The following HMGN5 variants were observed in gnomAD, a reference collection of about 807,000 sequenced individuals.
HMGN5 encodes high mobility group nucleosome-binding domain-containing protein 5.
A neutral mutation model predicts 9.5 loss-of-function variants in HMGN5; 4 were observed. That is an observed-to-expected ratio of 0.42 (90% CI 0.21 to 0.96). The LOEUF is 0.96. Ranked by LOEUF, HMGN5 falls within the 40% of genes least tolerant of loss-of-function variation. HMGN5 has a pLI of 0.30. For synonymous variants in HMGN5, 55 were observed against 57.1 expected, an observed-to-expected ratio of 0.96 and a Z score of 0.16; for missense variants, 192 against 187.5, an observed-to-expected ratio of 1.02 and a Z score of -0.14.
intron 1 of HMGN5, among the ~76,000 whole-genome samples, chrX:81,177,771 GCAC>G (rs2075447689): frequency 9.0e-6 from 1 of 111,446 alleles, no homozygotes; most frequent in Non-Finnish European, 1.9e-5. Flanking sequence ...ATTTTTCTCA[GCAC>G]CACATCACAC....
chrX:81,186,714 G>T (rs1400252190), intron 1 of HMGN5, among the ~76,000 whole-genome samples: 1 of 110,836 alleles, frequency 9.0e-6, no homozygotes, highest in Non-Finnish European at 1.9e-5. Flanking sequence ...GTACATAGTA[G>T]GTGTATATAT....
intron 1 of HMGN5, among the ~76,000 whole-genome samples, chrX:81,199,092 A>T (rs1183902399): frequency 8.9e-6 from 1 of 111,735 alleles, no homozygotes; most frequent in African/African-American, 3.3e-5. Context: ...TAACAGACAA[A>T]CAGAGAGCCA....
At chrX:81,140,721 A>C (rs1295304852) in intron 1 of HMGN5, among the ~76,000 whole-genome samples, 2 of 111,302 alleles carry the variant, frequency 1.8e-5, no homozygotes, top group Non-Finnish European at 3.8e-5. Flanking sequence ...GGTGAGATTC[A>C]GCATATGACC....
intron 1 of HMGN5, chrX:81,195,025 TAGAG>T (rs1187928589): frequency 2.7e-5 from 3 of 111,172 alleles, no homozygotes; most frequent in Admixed American, 1.9e-4. Context: ...GGGGGGAAGA[TAGAG>T]AGCGTATTAG....
chrX:81,150,041 A>G (rs1482092130), intron 1 of HMGN5, among the ~76,000 whole-genome samples: 2 of 112,112 alleles, frequency 1.8e-5, no homozygotes, highest in Non-Finnish European at 3.8e-5. Flanking sequence ...CTTAATCTGC[A>G]CTATATAGAC....
Position 81,114,605 on chromosome X carries a change from A to G in HMGN5, c.*44T>C. The stretch of plus-strand genomic sequence containing the variant: ...TATTTATCTCTATTAACTTTACAAC[A>G]TGAAGGTACATGTTACCAAATTATG... On this transcript the variant is annotated 3_prime_UTR_variant, in exon 7 of 7. Coordinates refer to ENST00000358130, the MANE Select transcript of HMGN5 (RefSeq NM_030763.3). The G allele has an allele frequency of 9.7e-7, 1 of 1,033,445 alleles. No homozygotes were observed. Among genetic ancestry groups the G allele is most frequent in the African/African-American group, 1.9e-5 (1 of 52,123 alleles). The allele number at this position is 1,033,445 out of a possible 1,213,427, so 85.2% of individuals were successfully genotyped here. A position where few individuals can be genotyped will look rare whatever the true frequency, so the allele number is the denominator to read the frequency against.
chrX:81,128,412 C>T (rs1388188397), intron 1 of HMGN5, among the ~76,000 whole-genome samples: 1 of 110,921 alleles, frequency 9.0e-6, no homozygotes, highest in Non-Finnish European at 1.9e-5. Flanking sequence ...GGTTAAATTG[C>T]CTAAGTGGAA....
intron 1 of HMGN5, among the ~76,000 whole-genome samples, chrX:81,152,347 C>A (rs1211259341): frequency 9.8e-5 from 11 of 111,887 alleles, no homozygotes; most frequent in Non-Finnish European, 2.1e-4. Flanking sequence ...TATGAACAGA[C>A]ACTTCTCAAA....
intron 4 of HMGN5, 43 bp downstream of exon 4, chrX:81,118,687 A>G: frequency 1.8e-6 from 2 of 1,103,897 alleles, no homozygotes; most frequent in Non-Finnish European, 2.5e-6. Context: ...TTTTAAAATG[A>G]CGTTTCACAA....
At chrX:81,116,468 T>C in intron 5 of HMGN5, 127 bp from the exon 6 acceptor site, 1 of 426,623 alleles carries the variant, frequency 2.3e-6, no homozygotes, top group South Asian at 5.1e-5. Context: ...CACATATAAA[T>C]CTGGTATCAA....
chrX:81,163,744 T>C (rs1003450503), intron 1 of HMGN5, among the ~76,000 whole-genome samples: 1 of 111,768 alleles, frequency 8.9e-6, no homozygotes, highest in Non-Finnish European at 1.9e-5. Context: ...TGTGTAAGGA[T>C]AAGAGGTATA....
At chrX:81,175,225 G>A (rs1000215737) in intron 1 of HMGN5, among the ~76,000 whole-genome samples, 2 of 111,826 alleles carry the variant, frequency 1.8e-5, no homozygotes, top group African/African-American at 6.5e-5. Flanking sequence ...TCAAACTGGT[G>A]TCCCTCAGAA....
chrX:81,195,448 C>A (rs749090642), intron 1 of HMGN5, among the ~76,000 whole-genome samples: 1 of 111,256 alleles, frequency 9.0e-6, no homozygotes, highest in Admixed American at 9.5e-5. Flanking sequence ...TCCACTGACT[C>A]ATATGTTAAT....
chrX:81,175,956 G>A (rs979206774), intron 1 of HMGN5, among the ~76,000 whole-genome samples: 16 of 112,019 alleles, frequency 1.4e-4, no homozygotes, highest in African/African-American at 5.2e-4. Context: ...CTCTGAGAAT[G>A]GACAGACTGC....
chrX:81,151,212 C>T (rs2147562020), intron 1 of HMGN5, among the ~76,000 whole-genome samples: 1 of 111,836 alleles, frequency 8.9e-6, no homozygotes, highest in South Asian at 3.7e-4. Context: ...GGAATCCTTT[C>T]CCCATTGCTT....
intron 1 of HMGN5, among the ~76,000 whole-genome samples, chrX:81,165,725 G>C (rs1251866996): frequency 9.0e-6 from 1 of 111,566 alleles, no homozygotes; most frequent in African/African-American, 3.3e-5. Context: ...AAAAGGAATA[G>C]CCCACTATGT....
Position 81,116,352 on chromosome X carries a change from A to T in HMGN5, c.130-11T>A, listed in dbSNP as rs771425543. ...TTTTGTCTTCATTTTCTGCCAAGCA[A>T]TATAAAACAATGAAAGTAAATATAC... On this transcript the variant is annotated splice_polypyrimidine_tract_variant and intron_variant, in intron 5 of 6. Transcript: ENST00000358130. 16 of 1,127,228 alleles carry T rather than the reference A, an allele frequency of 1.4e-5. No homozygotes were observed. The highest frequency in any genetic ancestry group is 8.4e-6 in the Non-Finnish European group (7 of 828,593). 92.9% of individuals were successfully genotyped at this position (1,127,228 alleles called of 1,213,427 possible). A position where few individuals can be genotyped will look rare whatever the true frequency, so the allele number is the denominator to read the frequency against.
chrX:81,139,275 T>C (rs1279750965), intron 1 of HMGN5, among the ~76,000 whole-genome samples: 3 of 112,380 alleles, frequency 2.7e-5, no homozygotes, highest in Non-Finnish European at 5.6e-5. Flanking sequence ...AATAGGTGCA[T>C]AGGCAACTGA....
intron 5 of HMGN5, among the ~76,000 whole-genome samples, chrX:81,116,723 TAATA>T (rs2075254762): frequency 1.8e-5 from 2 of 112,041 alleles, no homozygotes; most frequent in Admixed American, 9.5e-5. Flanking sequence ...CAAGTCTAAT[TAATA>T]AGGAACAGGG....
Sources: allele counts gnomAD v4.1 joint callset (sites outside exome capture counted in the v4.1 genomes callset), GRCh38; gene constraint gnomAD v4.1.1; transcripts MANE v1.5; gene names NCBI Gene and HGNC (gene_info 2026-07-23, HGNC 2026-07-21).